The following IQSEC2 variants were observed in gnomAD, a reference collection of about 807,000 sequenced individuals.
IQSEC2 encodes the protein IQ motif and Sec7 domain ArfGEF 2, also known as IQ motif and SEC7 domain-containing protein 2.
In IQSEC2, 6 loss-of-function variants were observed where a neutral mutation model predicts 74.6. That is an observed-to-expected ratio of 0.08 (90% CI 0.04 to 0.16). The LOEUF (loss-of-function observed/expected upper bound fraction) is 0.16, where lower values mean the gene tolerates loss of function less well. IQSEC2 is among the 10% of genes least tolerant of loss of function. The pLI is 1.00. For synonymous variants in IQSEC2, 494 were observed against 544.5 expected, an observed-to-expected ratio of 0.91 and a Z score of 1.29; for missense variants, 734 against 1,306.2, an observed-to-expected ratio of 0.56 and a Z score of 6.75.
At chrX:53,248,054 C>G (rs943317650) in intron 7 of IQSEC2, 60 bp downstream of exon 7, 50 of 1,183,058 alleles carry the variant, frequency 4.2e-5, no homozygotes, top group Non-Finnish European at 5.7e-5. Flanking sequence ...CTTATAAACA[C>G]ATACTACGTC....
chrX:53,294,774 G>A (rs180919719), intron 1 of IQSEC2, among the ~76,000 whole-genome samples: 1 of 112,115 alleles, frequency 8.9e-6, no homozygotes, highest in Admixed American at 9.5e-5. Context: ...AAAGGAGACC[G>A]ATTTCTCCTG....
At chrX:53,301,436 A>G (rs1264555338) in intron 1 of IQSEC2, among the ~76,000 whole-genome samples, 1 of 112,391 alleles carries the variant, frequency 8.9e-6, no homozygotes, top group Non-Finnish European at 1.9e-5. Context: ...TCCATCAGGC[A>G]AAAGGTCTGT....
intron 2 of IQSEC2, among the ~76,000 whole-genome samples, chrX:53,282,116 G>A (rs1338227882): frequency 8.9e-6 from 1 of 112,517 alleles, no homozygotes; most frequent in Non-Finnish European, 1.9e-5. Flanking sequence ...TCAAGATGGG[G>A]CCCCGGCCAA....
In IQSEC2 at chrX:53,296,197, G is replaced by A. The variant is rs781887698; in HGVS notation, c.708-4273C>T. Among the ~76,000 whole-genome samples the A allele has an allele frequency of 1.1e-4, 12 of 109,970 alleles. 1 individual carries two copies. The highest frequency in any genetic ancestry group is 8.7e-4 in the Admixed American group (9 of 10,380). On this transcript the variant is annotated intron_variant, in intron 1 of 14. Transcript: ENST00000642864. The stretch of plus-strand genomic sequence containing the variant: ...ATTACAGGCACCTGCCATCATGCCC[G>A]GCTAATTCTGTATTTTTAGTAGAGA...
intron 2 of IQSEC2, among the ~76,000 whole-genome samples, chrX:53,280,196 G>T (rs1556870556): frequency 7.7e-5 from 7 of 91,454 alleles, no homozygotes; most frequent in Non-Finnish European, 1.1e-4. Context: ...GGAGGGGAAG[G>T]GGGGATGAAA....
chrX:53,307,914 C>T (rs1392704734), intron 1 of IQSEC2, among the ~76,000 whole-genome samples: 5 of 99,357 alleles, frequency 5.0e-5, no homozygotes, highest in African/African-American at 1.5e-4. Flanking sequence ...AGGCCGGGCA[C>T]GGCGGCTCAT....
rs34233943 is a variant in IQSEC2 at position 53,240,774 on chromosome X, C to CT, written c.3015+1009dup. 4.6e-3 allele frequency among the ~76,000 whole-genome samples: 442 copies of CT among 96,967 alleles called. 2 individuals are homozygous for CT. The highest frequency in any genetic ancestry group is 5.6e-3 in the African/African-American group (151 of 26,856). The allele number at this position is 96,967 out of a possible 115,157, so 84.2% of individuals were successfully genotyped here. ...CAGTTTGAAGAATCACTTCAAGCAT[C>CT]TTTTTTTTTTTTTTTTTTTGAGACA... On this transcript the variant is annotated intron_variant, in intron 10 of 14. Coordinates refer to ENST00000642864, the MANE Select transcript of IQSEC2 (RefSeq NM_001111125.3).
intron 2 of IQSEC2, among the ~76,000 whole-genome samples, chrX:53,277,454 C>G (rs782754394): frequency 9.1e-6 from 1 of 109,830 alleles, no homozygotes; most frequent in African/African-American, 3.3e-5. Flanking sequence ...TGCCTGACCT[C>G]GTGATCCACC....
chrX:53,245,897 C>G (rs2074299692), intron 8 of IQSEC2, among the ~76,000 whole-genome samples: 1 of 92,860 alleles, frequency 1.1e-5, no homozygotes, highest in East Asian at 3.6e-4. Context: ...GAGTCTTGCT[C>G]TGTCACTCAG....
At chrX:53,231,641 G>A (rs1298464933), downstream of IQSEC2, 2 of 112,114 alleles carry the variant, frequency 1.8e-5, no homozygotes, top group Admixed American at 1.9e-4. Context: ...GCCAGGATTT[G>A]AGCGCTAAAA....
At chrX:53,286,200 C>G (rs1162948400) in intron 2 of IQSEC2, among the ~76,000 whole-genome samples, 1 of 111,475 alleles carries the variant, frequency 9.0e-6, no homozygotes, top group Non-Finnish European at 1.9e-5. Flanking sequence ...GTAATATTCA[C>G]TGTACATTTA....
intron 4 of IQSEC2, among the ~76,000 whole-genome samples, chrX:53,254,012 A>G (rs1556864351): frequency 8.9e-6 from 1 of 112,034 alleles, no homozygotes; most frequent in African/African-American, 3.3e-5. Flanking sequence ...TGGAACACCC[A>G]TATTTATAAC....
Position 53,234,162 on chromosome X carries a change from G to A in IQSEC2, c.*57C>T. The A allele has an allele frequency of 2.0e-6, 1 of 500,968 alleles. No homozygotes were observed. Among genetic ancestry groups the A allele is most frequent in the Non-Finnish European group, 3.1e-6 (1 of 321,902 alleles). 41.3% of individuals were successfully genotyped at this position (500,968 alleles called of 1,213,427 possible). A position where few individuals can be genotyped will look rare whatever the true frequency, so the allele number is the denominator to read the frequency against. On this transcript the variant is annotated 3_prime_UTR_variant, in exon 15 of 15. Transcript: ENST00000642864. The stretch of plus-strand genomic sequence containing the variant: ...ACCGAGGAAGCAAAGAGGGTGCAAG[G>A]TCCCTCTCCTGTGGCTCCCCAGACT...
chrX:53,250,861 G>C lies in IQSEC2; in HGVS notation c.1715C>G (p.Thr572Ser), dbSNP rs1556863292. 2 of 1,210,622 alleles carry C rather than the reference G, an allele frequency of 1.7e-6. No individual in the cohort carries two copies. Among genetic ancestry groups the C allele is most frequent in the Admixed American group, 4.3e-5 (2 of 46,007 alleles). The part of the protein sequence containing the change: ...TREDGSREEG[T>S]RRGPGCLECR... ...CTCCAAGCACCCGGGACCCCTGCGA[G>C]TGCCTTCCTCACGGCTACCGTCTTC... The change falls in exon 5 of 15, where the codon ACT becomes AGT. Residue 572 changes from threonine (T) to serine (S), a missense_variant. Coordinates refer to ENST00000642864, the MANE Select transcript of IQSEC2 (RefSeq NM_001111125.3).
At chrX:53,278,628 A>C (rs1035491091) in intron 2 of IQSEC2, among the ~76,000 whole-genome samples, 1 of 111,911 alleles carries the variant, frequency 8.9e-6, no homozygotes, top group Non-Finnish European at 1.9e-5. Context: ...CTTGTTCTTT[A>C]ATAAAAGCAA....
chrX:53,277,339 G>C (rs782028275), intron 2 of IQSEC2, among the ~76,000 whole-genome samples: 10 of 110,152 alleles, frequency 9.1e-5, no homozygotes, highest in Admixed American at 4.8e-4. Flanking sequence ...AGCCTCCCGA[G>C]TAGGTGGGAT....
chrX:53,241,066 G>A (rs919913363), intron 10 of IQSEC2, among the ~76,000 whole-genome samples: 9 of 111,546 alleles, frequency 8.1e-5, no homozygotes, highest in African/African-American at 2.3e-4. Flanking sequence ...ATGAGCCACC[G>A]TGCCTGGCCC....
intron 2 of IQSEC2, chrX:53,279,726 G>A: frequency 3.1e-6 from 2 of 644,957 alleles, no homozygotes; most frequent in African/African-American, 2.2e-5. Flanking sequence ...TGGCAGGGTG[G>A]GCGATGGGGG....
intron 2 of IQSEC2, among the ~76,000 whole-genome samples, chrX:53,288,218 C>T (rs1469852123): frequency 9.0e-6 from 1 of 111,176 alleles, no homozygotes; most frequent in Non-Finnish European, 1.9e-5. Flanking sequence ...CTTGGCCATC[C>T]CAGATTGCCA....
Sources: allele counts gnomAD v4.1 joint callset (sites outside exome capture counted in the v4.1 genomes callset), GRCh38; gene constraint gnomAD v4.1.1; transcripts MANE v1.5; gene names NCBI Gene and HGNC (gene_info 2026-07-23, HGNC 2026-07-21).